The following API5 variants were observed in gnomAD, a reference collection of about 807,000 sequenced individuals.
API5 encodes the protein apoptosis inhibitor 5, also known as FIF.
A neutral mutation model predicts 71.9 loss-of-function variants in API5; 6 were observed. The observed-to-expected ratio is 0.08, with a 90% CI of 0.05 to 0.16. The LOEUF is 0.16. Among genes scored for constraint, API5 ranks in the 10% least tolerant of loss-of-function variants. API5 has a pLI of 1.00. For missense variants in API5, 332 were observed against 612.8 expected (o/e 0.54, Z 4.84); for synonymous variants, 189 against 221.3 (o/e 0.85, Z 1.30).
intron 11 of API5, among the ~76,000 whole-genome samples, chr11:43,334,921 A>G (rs1855380256): frequency 1.3e-5 from 2 of 152,168 alleles, no homozygotes; most frequent in Admixed American, 6.5e-5. Context: ...AGATTGCACC[A>G]TTGTATTTTC....
chr11:43,313,366 G>A (rs1171176728), intron 1 of API5, among the ~76,000 whole-genome samples: 1 of 152,104 alleles, frequency 6.6e-6, no homozygotes, highest in Non-Finnish European at 1.5e-5. Flanking sequence ...GGGTATGTGT[G>A]TTCTTGGGAA....
At chr11:43,312,267 C>A in intron 1 of API5, 71 bp downstream of exon 1, 3 of 1,517,502 alleles carry the variant, frequency 2.0e-6, no homozygotes, top group Non-Finnish European at 2.7e-6. Flanking sequence ...TCCCGCCGCA[C>A]TCCCCGGGCC....
rs749907564 is a variant in API5, at chr11:43,322,105, T to C, written c.512T>C (p.Val171Ala). 26 of 1,612,102 alleles carry C rather than the reference T, an allele frequency of 1.6e-5. No individual in the cohort carries two copies. Among genetic ancestry groups the C allele is most frequent in the Non-Finnish European group, 4.2e-6 (5 of 1,179,612 alleles). ...CCAGATGAAGTCTTAACAAAGGAAG[T>C]GGAAGAGCTTATACTAACTGAATCC... Reference protein sequence around the residue: ...TLPDEVLTKEVEELILTESKK... With the variant: ...TLPDEVLTKEAEELILTESKK... Residue 171 changes from valine (V) to alanine (A), a missense_variant, in exon 5 of 14, where the codon GTG becomes GCG. By Grantham distance (64) the Val-to-Ala change is moderately conservative. Transcript: ENST00000531273.
At position 43,335,930 on chromosome 11, in the gene API5, T is replaced by C; in HGVS notation, c.1428T>C (p.Asp476=). Residue 476 remains aspartate (D), a synonymous_variant, in exon 13 of 14, where the codon GAT becomes GAC. Coordinates refer to ENST00000531273, the MANE Select transcript of API5 (RefSeq NM_001142930.2). ...PKKSSAGPKR[D]ARQIYNPPSG... ...AATCTTCAGCAGGACCAAAAAGAGATGCCAGGCAGATTTATAACCCTCCCA... is the reference window on the plus strand; with the variant it reads ...AATCTTCAGCAGGACCAAAAAGAGACGCCAGGCAGATTTATAACCCTCCCA... The C allele has an allele frequency of 1.2e-6, 2 of 1,614,092 alleles. No homozygotes were observed. Among genetic ancestry groups the C allele is most frequent in the South Asian group, 2.2e-5 (2 of 91,076 alleles).
intron 2 of API5, among the ~76,000 whole-genome samples, chr11:43,319,477 C>G (rs886743906): frequency 2.0e-5 from 3 of 152,142 alleles, no homozygotes; most frequent in African/African-American, 7.2e-5. Flanking sequence ...GTTGCCTAGA[C>G]CAGAGTGCAG....
intron 13 of API5, among the ~76,000 whole-genome samples, chr11:43,341,444 G>A (rs2134390807): frequency 6.6e-6 from 1 of 152,304 alleles, no homozygotes; most frequent in Non-Finnish European, 1.5e-5. Flanking sequence ...CAGCAACATG[G>A]AAGGAACTGG....
At chr11:43,329,380 A>AG (rs1327162611) in intron 9 of API5, 1 of 154,864 alleles carries the variant, frequency 6.5e-6, no homozygotes, top group East Asian at 1.9e-4. Flanking sequence ...AAAAAAATTA[A>AG]AAGACAGAAA....
rs201035525 is a variant in API5 at position 43,328,854 on chromosome 11, C to T, written c.1088C>T (p.Ala363Val). Reference protein sequence around the residue: ...LGRKLPDFLTAKLNAEKLKDF... With the variant: ...LGRKLPDFLTVKLNAEKLKDF... ...CGAAAACTTCCAGATTTCTTAACAG[C>T]CAAACTGAATGCAGAAAAGCTCAAA... The change falls in exon 9 of 14, where the codon GCC becomes GTC. Residue 363 changes from alanine to valine, a missense_variant. Physicochemically the swap from Ala to Val is moderately conservative, Grantham distance 64. Around this residue, in one of 3 missense-constraint regions of API5, gnomAD observed 168 missense variants for 343.9 expected, o/e 0.49. Transcript: ENST00000531273. The T allele has an allele frequency of 4.4e-4, 717 of 1,613,942 alleles. 12 individuals carry two copies. The South Asian group carries it at 7.5e-3, about 17-fold the overall frequency.
intron 7 of API5, 69 bp from the exon 8 acceptor site, chr11:43,327,720 C>A: frequency 2.7e-6 from 3 of 1,092,086 alleles, no homozygotes; most frequent in South Asian, 1.6e-5. Flanking sequence ...AAATCGTTAT[C>A]TAGAATTACT....
chr11:43,320,789 T>C, intron 2 of API5, 32 bp from the exon 3 acceptor site: 1 of 1,515,770 alleles, frequency 6.6e-7, no homozygotes, highest in Non-Finnish European at 9.1e-7. Context: ...GGTGATAGTA[T>C]TTGGTTAATT....
chr11:43,336,535 A>G (rs1855439248), intron 13 of API5, among the ~76,000 whole-genome samples: 1 of 152,146 alleles, frequency 6.6e-6, no homozygotes, highest in Admixed American at 6.5e-5. Flanking sequence ...CAATCCTCCT[A>G]TCAGTGCTTC....
At chr11:43,330,683 C>T in intron 11 of API5, 119 bp downstream of exon 11, 2 of 779,550 alleles carry the variant, frequency 2.6e-6, no homozygotes, top group Admixed American at 2.5e-5. Flanking sequence ...TCTTCTGGCT[C>T]AAAGCATTGA....
chr11:43,335,726 T>C (rs1855411122), intron 12 of API5, 132 bp from the exon 13 acceptor site: 2 of 1,046,270 alleles, frequency 1.9e-6, no homozygotes, highest in Non-Finnish European at 2.7e-6. Context: ...ACATCAAATG[T>C]TAATTCCTTT....
chr11:43,317,914 T>C (rs1854727220), intron 1 of API5, among the ~76,000 whole-genome samples: 2 of 152,168 alleles, frequency 1.3e-5, no homozygotes, highest in Non-Finnish European at 2.9e-5. Flanking sequence ...TGAGCTCAAG[T>C]GATTGCCCAC....
At chr11:43,321,097 GTTGTT>G (rs1019257969) in intron 3 of API5, among the ~76,000 whole-genome samples, 183 bp downstream of exon 3, 21 of 152,224 alleles carry the variant, frequency 1.4e-4, no homozygotes, top group African/African-American at 5.1e-4. Flanking sequence ...AATTCCTGGT[GTTGTT>G]TTGTTTTTAA....
intron 1 of API5, 78 bp downstream of exon 1, chr11:43,312,274 G>A: frequency 1.4e-6 from 2 of 1,473,726 alleles, no homozygotes; most frequent in Non-Finnish European, 1.9e-6. Context: ...GCACTCCCCG[G>A]GCCGAGCGGG....
rs1014093512 is a variant in API5, at chr11:43,323,528, A to G, written c.642A>G (p.Val214=). ...LQTVSGRQQL[V]ELVAEQADLE... ...CAGTGAGTGGAAGACAGCAACTTGT[A>G]GAGTTGGTGGCTGAACAGGCCGACC... Residue 214 remains valine (V), a synonymous_variant, in exon 6 of 14, where the codon GTA becomes GTG. Coordinates refer to ENST00000531273, the MANE Select transcript of API5 (RefSeq NM_001142930.2). 53 of 1,614,038 alleles carry G rather than the reference A, an allele frequency of 3.3e-5. No individual in the cohort carries two copies. Among genetic ancestry groups the G allele is most frequent in the Non-Finnish European group, 4.3e-5 (51 of 1,180,008 alleles).
chr11:43,321,054 C>T (rs1187134018), intron 3 of API5, 140 bp downstream of exon 3: 9 of 692,282 alleles, frequency 1.3e-5, no homozygotes, highest in African/African-American at 1.8e-5. Context: ...TACTTTCATT[C>T]AGTAGTTAAA....
chr11:43,343,702 TG>T lies in API5; in HGVS notation c.*1198del, dbSNP rs1304796272. On this transcript the variant is annotated 3_prime_UTR_variant, in exon 14 of 14. Coordinates refer to ENST00000531273, the MANE Select transcript of API5 (RefSeq NM_001142930.2). ...AGAATTTTTAGGTTAAAACAACAGATGGGGGGTTTGTGGAGTGTTTAATGTC... is the reference window on the plus strand; with the variant it reads ...AGAATTTTTAGGTTAAAACAACAGATGGGGGTTTGTGGAGTGTTTAATGTC... The T allele has an allele frequency of 3.3e-5, 5 of 152,608 alleles. No homozygotes were observed. The highest frequency in any genetic ancestry group is 7.4e-5 in the Non-Finnish European group (5 of 68,024). 9.5% of individuals were successfully genotyped at this position (152,608 alleles called of 1,614,324 possible). A position where few individuals can be genotyped will look rare whatever the true frequency, so the allele number is the denominator to read the frequency against.
Sources: gnomAD v4.1 joint callset for allele counts (sites outside exome capture counted in the v4.1 genomes callset) on GRCh38, gnomAD v4.1.1 for gene constraint, gnomAD v4.1.1 regional missense constraint, MANE v1.5 for transcripts, NCBI Gene and HGNC (gene_info 2026-07-23, HGNC 2026-07-21) for gene names.